DCBLD2: variants seen among roughly 807,000 people sequenced by gnomAD.
DCBLD2 encodes discoidin, CUB and LCCL domain-containing protein 2.
DCBLD2 carries 54 observed loss-of-function variants against 86.8 expected under a neutral mutation model. The ratio of observed to expected loss-of-function variants is 0.62; its 90% CI spans 0.50 to 0.78. The LOEUF (loss-of-function observed/expected upper bound fraction) is 0.78, where lower values mean the gene tolerates loss of function less well. DCBLD2 is among the 30% of genes least tolerant of loss of function. DCBLD2 has a pLI of 0.00. For missense variants in DCBLD2, 908 were observed against 954.2 expected, an observed-to-expected ratio of 0.95 and a Z score of 0.64; for synonymous variants, 354 against 341.3, an observed-to-expected ratio of 1.04 and a Z score of -0.41.
chr3:98,799,230 T>C lies in DCBLD2; in HGVS notation c.*142A>G. On this transcript the variant is annotated 3_prime_UTR_variant, in exon 16 of 16. Transcript: ENST00000326840. Reference sequence around the variant, plus strand: ...TAAAGCAAGATGGCAAGATTAGTAGTTTCCTGTACCTCAGTCACCACATTT... The same window carrying C: ...TAAAGCAAGATGGCAAGATTAGTAGCTTCCTGTACCTCAGTCACCACATTT... The C allele has an allele frequency of 1.2e-6, 1 of 866,276 alleles. No homozygotes were observed. The highest frequency in any genetic ancestry group is 1.9e-5 in the South Asian group (1 of 54,022). 53.7% of individuals were successfully genotyped at this position (866,276 alleles called of 1,614,324 possible).
chr3:98,882,914 T>C (rs556255276), intron 1 of DCBLD2, among the ~76,000 whole-genome samples: 10 of 152,238 alleles, frequency 6.6e-5, no homozygotes, highest in Non-Finnish European at 1.5e-4. Context: ...TAGCATGATT[T>C]ATGATCCTTT....
intron 1 of DCBLD2, chr3:98,895,431 C>T (rs1006514836): frequency 5.9e-5 from 9 of 152,120 alleles, no homozygotes; most frequent in Non-Finnish European, 1.0e-4. Context: ...TGGAGCATGA[C>T]CAGAATGAGT....
At chr3:98,893,843 G>A (rs1259529001) in intron 1 of DCBLD2, among the ~76,000 whole-genome samples, 2 of 152,190 alleles carry the variant, frequency 1.3e-5, no homozygotes, top group Non-Finnish European at 2.9e-5. Flanking sequence ...TACTGTGCAA[G>A]GATTAGGAGC....
chr3:98,833,390 C>T (rs911175361), intron 3 of DCBLD2, among the ~76,000 whole-genome samples: 1 of 152,156 alleles, frequency 6.6e-6, no homozygotes, highest in Non-Finnish European at 1.5e-5. Flanking sequence ...TCCTGAATCT[C>T]GATGCTCTTC....
intron 2 of DCBLD2, among the ~76,000 whole-genome samples, chr3:98,871,508 C>T (rs969662877): frequency 6.6e-6 from 1 of 152,042 alleles, no homozygotes; most frequent in Admixed American, 6.6e-5. Flanking sequence ...TCAATTTTAT[C>T]AAATGCTTTT....
chr3:98,823,197 T>A (rs1247347877), intron 4 of DCBLD2, among the ~76,000 whole-genome samples: 6 of 152,128 alleles, frequency 3.9e-5, no homozygotes, highest in African/African-American at 1.4e-4. Context: ...TAAAAAGCCC[T>A]TTCAGACTTT....
intron 1 of DCBLD2, among the ~76,000 whole-genome samples, chr3:98,883,200 T>G (rs1393159271): frequency 6.6e-6 from 1 of 152,194 alleles, no homozygotes; most frequent in African/African-American, 2.4e-5. Flanking sequence ...TTCATATGTT[T>G]GTTGGCTGCA....
intron 2 of DCBLD2, among the ~76,000 whole-genome samples, chr3:98,860,792 A>G (rs1240477418): frequency 1.3e-5 from 2 of 152,214 alleles, no homozygotes; most frequent in African/African-American, 4.8e-5. Context: ...AAAGACCATC[A>G]ATGCTTGGAA....
At chr3:98,826,570 C>T (rs923770306) in intron 3 of DCBLD2, among the ~76,000 whole-genome samples, 4 of 152,192 alleles carry the variant, frequency 2.6e-5, no homozygotes, top group African/African-American at 9.7e-5. Flanking sequence ...ATATGTAAGC[C>T]TGACTTGTTG....
intron 11 of DCBLD2, 46 bp from the exon 12 acceptor site, chr3:98,811,365 C>T: frequency 3.1e-6 from 5 of 1,612,192 alleles, no homozygotes; most frequent in African/African-American, 1.3e-5. Context: ...TCTGTACCAA[C>T]TTGATTAACA....
rs762512291 is a variant in DCBLD2 at position 98,849,532 on chromosome 3, A to C, written c.500T>G (p.Leu167Trp). The change falls in exon 3 of 16, where the codon TTG (leucine) becomes TGG (tryptophan). Residue 167 changes from leucine (L) to tryptophan (W), a missense_variant. This residue lies in a region of DCBLD2 where 294 missense variants were observed against 256.0 expected (regional missense o/e 1.15). Coordinates refer to ENST00000326840, the MANE Select transcript of DCBLD2 (RefSeq NM_080927.4). ...AACATGGATTCCACTCATGAACAGC[A>C]ATGTGATTTCATTGCCTTTTGATTC... ...SIESKGNEIT[L>W]LFMSGIHVSG... 6.2e-6 allele frequency: 10 copies of C among 1,613,936 alleles called. No homozygotes were observed. The highest frequency in any genetic ancestry group is 8.5e-6 in the Non-Finnish European group (10 of 1,179,830).
At chr3:98,839,130 T>A (rs1942560593) in intron 3 of DCBLD2, among the ~76,000 whole-genome samples, 1 of 26,010 alleles carries the variant, frequency 3.8e-5, no homozygotes, top group African/African-American at 1.4e-4. Flanking sequence ...TTTCTTTCTT[T>A]CCTTCCTTCC....
intron 1 of DCBLD2, among the ~76,000 whole-genome samples, chr3:98,899,337 C>T (rs1384221962): frequency 6.0e-5 from 9 of 150,846 alleles, no homozygotes; most frequent in African/African-American, 1.7e-4. Flanking sequence ...CTGCAACCTC[C>T]GCCTCCCGGG....
At chr3:98,859,901 A>C (rs774790037) in intron 2 of DCBLD2, among the ~76,000 whole-genome samples, 7 of 152,248 alleles carry the variant, frequency 4.6e-5, no homozygotes, top group East Asian at 1.9e-4. Flanking sequence ...TGAGAGAAGA[A>C]GGCTTCAGAC....
chr3:98,850,425 C>T (rs928054458), intron 2 of DCBLD2, among the ~76,000 whole-genome samples: 6 of 152,126 alleles, frequency 3.9e-5, no homozygotes, highest in Non-Finnish European at 5.9e-5. Flanking sequence ...TGTCCTGGGC[C>T]GCATGTGGCC....
intron 1 of DCBLD2, among the ~76,000 whole-genome samples, chr3:98,891,210 G>A (rs1273183574): frequency 2.0e-5 from 3 of 151,408 alleles, no homozygotes; most frequent in East Asian, 1.9e-4. Flanking sequence ...GAGAGGGAGA[G>A]GGAGGGAGAG....
At chr3:98,876,135 G>T (rs1356977441) in intron 2 of DCBLD2, among the ~76,000 whole-genome samples, 1 of 151,866 alleles carries the variant, frequency 6.6e-6, no homozygotes, top group Non-Finnish European at 1.5e-5. Context: ...CAAATTAGGA[G>T]AAATTATTTG....
chr3:98,891,361 G>A (rs1355393731), intron 1 of DCBLD2, among the ~76,000 whole-genome samples: 1 of 151,948 alleles, frequency 6.6e-6, no homozygotes, highest in African/African-American at 2.4e-5. Flanking sequence ...AACTGACTTG[G>A]CTCTCTCAAA....
At chr3:98,839,204 C>CTTTCTTTCT (rs1553727080) in intron 3 of DCBLD2, among the ~76,000 whole-genome samples, 1 of 131,318 alleles carries the variant, frequency 7.6e-6, no homozygotes, top group African/African-American at 3.2e-5. Flanking sequence ...TCCTTCCTTC[C>CTTTCTTTCT]TTCTTTCTTT....
Sources: gnomAD v4.1 joint callset for allele counts (sites outside exome capture counted in the v4.1 genomes callset) on GRCh38, gnomAD v4.1.1 for gene constraint, gnomAD v4.1.1 regional missense constraint, MANE v1.5 for transcripts, NCBI Gene and HGNC (gene_info 2026-07-23, HGNC 2026-07-21) for gene names.